Variants in WIF1 observed in about 807,000 individuals in gnomAD.
WIF1 encodes Wnt inhibitory factor 1.
A neutral mutation model predicts 53.5 loss-of-function variants in WIF1; 35 were observed. That is an observed-to-expected ratio of 0.65 (90% CI 0.50 to 0.87). The LOEUF (loss-of-function observed/expected upper bound fraction) is 0.87. Among genes scored for constraint, WIF1 ranks in the 40% least tolerant of loss-of-function variants. WIF1 has a pLI of 0.00. For synonymous variants in WIF1, 171 were observed against 170.4 expected, an observed-to-expected ratio of 1.00 and a Z score of -0.03; for missense variants, 467 against 476.8, an observed-to-expected ratio of 0.98 and a Z score of 0.19.
At chr12:65,056,679 T>C (rs191132966) in intron 7 of WIF1, among the ~76,000 whole-genome samples, 3 of 152,262 alleles carry the variant, frequency 2.0e-5, no homozygotes, top group African/African-American at 7.2e-5. Flanking sequence ...AGATGGAATC[T>C]TGCTATTTTG....
intron 2 of WIF1, among the ~76,000 whole-genome samples, chr12:65,093,697 G>C (rs1883159314): frequency 6.6e-6 from 1 of 152,052 alleles, no homozygotes; most frequent in African/African-American, 2.4e-5. Context: ...CATTAAAGTT[G>C]AATCAACTGT....
intron 2 of WIF1, among the ~76,000 whole-genome samples, chr12:65,081,376 C>T (rs1045663186): frequency 6.6e-6 from 1 of 152,070 alleles, no homozygotes; most frequent in Non-Finnish European, 1.5e-5. Context: ...GAAAAAATTC[C>T]ATTCGGAGGC....
At chr12:65,059,717 C>A (rs1185500821) in intron 7 of WIF1, among the ~76,000 whole-genome samples, 4 of 151,638 alleles carry the variant, frequency 2.6e-5, no homozygotes, top group South Asian at 2.1e-4. Flanking sequence ...AGTGGCTCAA[C>A]CTTGGCTCAC....
At chr12:65,069,710 G>T (rs1222705691) in intron 3 of WIF1, among the ~76,000 whole-genome samples, 2 of 152,120 alleles carry the variant, frequency 1.3e-5, no homozygotes, top group African/African-American at 4.8e-5. Flanking sequence ...CACAAAGCAG[G>T]GATTGGGAAC....
chr12:65,082,000 G>A (rs1882957992), intron 2 of WIF1, among the ~76,000 whole-genome samples: 1 of 151,980 alleles, frequency 6.6e-6, no homozygotes, highest in Middle Eastern at 3.2e-3. Flanking sequence ...CATCAATACT[G>A]TGAAAATATT....
At chr12:65,088,398 G>T (rs1020161882) in intron 2 of WIF1, among the ~76,000 whole-genome samples, 1 of 152,032 alleles carries the variant, frequency 6.6e-6, no homozygotes, top group Admixed American at 6.6e-5. Flanking sequence ...TATCCTCTGA[G>T]ACTGGCCCCA....
chr12:65,088,677 A>G (rs1346966349), intron 2 of WIF1, among the ~76,000 whole-genome samples: 1 of 152,028 alleles, frequency 6.6e-6, no homozygotes, highest in Non-Finnish European at 1.5e-5. Flanking sequence ...AATGACAAGT[A>G]ACTTCTCCTT....
chr12:65,075,876 T>A (rs1419819239), intron 3 of WIF1, among the ~76,000 whole-genome samples: 3 of 152,146 alleles, frequency 2.0e-5, no homozygotes, highest in Admixed American at 6.6e-5. Flanking sequence ...ACAACAAGCT[T>A]TGCAGATCAG....
At chr12:65,090,450 C>A (rs1173715164) in intron 2 of WIF1, among the ~76,000 whole-genome samples, 2 of 152,140 alleles carry the variant, frequency 1.3e-5, no homozygotes, top group African/African-American at 4.8e-5. Context: ...ATGGAGCTTG[C>A]AGGCTGGAAG....
intron 5 of WIF1, 25 bp downstream of exon 5, chr12:65,067,670 A>G (rs749693107): frequency 2.5e-6 from 4 of 1,601,920 alleles, no homozygotes; most frequent in African/African-American, 1.3e-5. Context: ...GGAAGGGAGC[A>G]AGGGAAATCG....
At chr12:65,117,332 A>G (rs1883528049) in intron 2 of WIF1, among the ~76,000 whole-genome samples, 2 of 152,204 alleles carry the variant, frequency 1.3e-5, no homozygotes, top group Non-Finnish European at 2.9e-5. Context: ...ATAATGCACT[A>G]TTCTCCACAT....
chr12:65,104,532 T>C (rs1592402621), intron 2 of WIF1, among the ~76,000 whole-genome samples: 1 of 152,346 alleles, frequency 6.6e-6, no homozygotes, highest in African/African-American at 2.4e-5. Flanking sequence ...AGGCAAGTTA[T>C]TCAACCTTTT....
At chr12:65,056,804 C>A (rs1039893465) in intron 7 of WIF1, among the ~76,000 whole-genome samples, 1 of 151,884 alleles carries the variant, frequency 6.6e-6, no homozygotes, top group East Asian at 2.0e-4. Flanking sequence ...CATGTGCCAC[C>A]ATGCCCAGCT....
chr12:65,055,531 G>A (rs558136425), intron 8 of WIF1, among the ~76,000 whole-genome samples: 2 of 152,212 alleles, frequency 1.3e-5, no homozygotes, highest in Non-Finnish European at 2.9e-5. Flanking sequence ...CAACACTTTG[G>A]GGGGCTGAGG....
rs1026024 is a variant in WIF1, at chr12:65,055,206, G to A, written c.930C>T (p.Cys310=). 0.011 allele frequency: 17,226 copies of A among 1,613,390 alleles called. 990 individuals carry two copies. The East Asian group carries it at 0.15, about 14-fold the overall frequency. ...YQGDLCSKPV[C]EPGCGAHGTC... The stretch of plus-strand genomic sequence containing the variant: ...TTCCATGTGCACCACAGCCAGGCTC[G>A]CAGACAGCTAGAATCAAAAGAAATA... Residue 310 remains cysteine, a synonymous_variant, in exon 9 of 10, where the codon TGC becomes TGT. Coordinates refer to ENST00000286574, the MANE Select transcript of WIF1 (RefSeq NM_007191.5).
chr12:65,077,152 T>A (rs981554346), intron 3 of WIF1, among the ~76,000 whole-genome samples: 1 of 152,216 alleles, frequency 6.6e-6, no homozygotes, highest in Non-Finnish European at 1.5e-5. Context: ...ATTCTGGATT[T>A]GACTCGCTAC....
At chr12:65,069,253 A>G (rs1024214030) in intron 3 of WIF1, among the ~76,000 whole-genome samples, 8 of 152,244 alleles carry the variant, frequency 5.3e-5, no homozygotes, top group African/African-American at 1.9e-4. Flanking sequence ...ACGTCAGTGT[A>G]GCATGGGAAG....
At chr12:65,099,115 A>G (rs1400411243) in intron 2 of WIF1, among the ~76,000 whole-genome samples, 3 of 152,186 alleles carry the variant, frequency 2.0e-5, no homozygotes. Flanking sequence ...GTCCCAGCAT[A>G]ATTGTTCTGT....
chr12:65,070,001 C>T (rs1882748566), intron 3 of WIF1, among the ~76,000 whole-genome samples: 1 of 152,162 alleles, frequency 6.6e-6, no homozygotes, highest in Admixed American at 6.6e-5. Flanking sequence ...GTTATGGTTT[C>T]TGCCAAGCTT....
Sources: gnomAD v4.1 joint callset for allele counts (sites outside exome capture counted in the v4.1 genomes callset) on GRCh38, gnomAD v4.1.1 for gene constraint, MANE v1.5 for transcripts, NCBI Gene and HGNC (gene_info 2026-07-23, HGNC 2026-07-21) for gene names.